MALRD1: variants seen among roughly 807,000 people sequenced by gnomAD.
The protein encoded by MALRD1 is MAM and LDL-receptor class A domain-containing protein 1.
A neutral mutation model predicts 242.1 loss-of-function variants in MALRD1; 247 were observed. The observed-to-expected ratio is 1.02, with a 90% CI of 0.92 to 1.13. MALRD1 has a LOEUF of 1.13. MALRD1 is among the 50% of genes most tolerant of loss of function. The probability of loss-of-function intolerance (pLI) is 0.00; values close to 1 mark genes in which losing one functional copy is unlikely to be tolerated. For synonymous variants in MALRD1, 995 were observed against 866.6 expected (o/e 1.15, Z -2.60); for missense variants, 2,989 against 2,533.1 (o/e 1.18, Z -3.86).
intron 36 of MALRD1, among the ~76,000 whole-genome samples, chr10:19,653,716 G>A (rs564593366): frequency 6.6e-6 from 1 of 152,136 alleles, no homozygotes; most frequent in Non-Finnish European, 1.5e-5. Context: ...AACTTCTTCT[G>A]TAAGCAGGTA....
chr10:19,370,855 G>A (rs1391989397), intron 26 of MALRD1, among the ~76,000 whole-genome samples: 1 of 152,020 alleles, frequency 6.6e-6, no homozygotes, highest in Non-Finnish European at 1.5e-5. Context: ...GGGATAACAG[G>A]CATGAGCCAC....
At chr10:19,593,279 A>T (rs1837914161) in intron 33 of MALRD1, among the ~76,000 whole-genome samples, 2 of 152,176 alleles carry the variant, frequency 1.3e-5, no homozygotes, top group Admixed American at 6.5e-5. Flanking sequence ...ACTTAAATAT[A>T]CTTATTTCTA....
chr10:19,235,727 C>T (rs1047656158), intron 18 of MALRD1, among the ~76,000 whole-genome samples: 17 of 151,784 alleles, frequency 1.1e-4, no homozygotes, highest in Non-Finnish European at 2.1e-4. Flanking sequence ...ATGAGATTTA[C>T]ATGTATGGAG....
chr10:19,072,100 G>A (rs1270737608), intron 2 of MALRD1, among the ~76,000 whole-genome samples: 2 of 152,110 alleles, frequency 1.3e-5, no homozygotes, highest in African/African-American at 4.8e-5. Context: ...TTATCTGCAC[G>A]TACACATTTC....
intron 36 of MALRD1, among the ~76,000 whole-genome samples, chr10:19,627,843 G>A (rs980279247): frequency 6.7e-6 from 1 of 148,570 alleles, no homozygotes; most frequent in Non-Finnish European, 1.5e-5. Context: ...ATACACAACA[G>A]CTAGGGATTA....
intron 18 of MALRD1, among the ~76,000 whole-genome samples, chr10:19,228,641 C>A (rs913931290): frequency 6.6e-6 from 1 of 151,968 alleles, no homozygotes; most frequent in Admixed American, 6.6e-5. Flanking sequence ...TGCTGAGTGC[C>A]AACTTGAGAA....
At chr10:19,274,187 C>T (rs1172656884) in intron 19 of MALRD1, among the ~76,000 whole-genome samples, 1 of 152,092 alleles carries the variant, frequency 6.6e-6, no homozygotes, top group East Asian at 1.9e-4. Context: ...GTGTCATTGC[C>T]ACATTATTCA....
At chr10:19,114,601 C>G (rs1564400673) in intron 5 of MALRD1, among the ~76,000 whole-genome samples, 2 of 151,406 alleles carry the variant, frequency 1.3e-5, no homozygotes, top group Non-Finnish European at 2.9e-5. Flanking sequence ...GCCTAGGTGA[C>G]AAAAAAAGAC....
At chr10:19,454,848 C>A (rs190677541) in intron 29 of MALRD1, among the ~76,000 whole-genome samples, 1 of 151,928 alleles carries the variant, frequency 6.6e-6, no homozygotes, top group South Asian at 2.1e-4. Flanking sequence ...TTCTTACTTT[C>A]TATGCAAAAA....
chr10:19,194,144 A>G (rs150118951), intron 14 of MALRD1, among the ~76,000 whole-genome samples: 4 of 152,310 alleles, frequency 2.6e-5, no homozygotes, highest in African/African-American at 9.6e-5. Flanking sequence ...TGTTATTAAC[A>G]TGAGCTGACT....
chr10:19,288,471 C>T (rs1841247619), intron 21 of MALRD1, among the ~76,000 whole-genome samples: 1 of 152,070 alleles, frequency 6.6e-6, no homozygotes, highest in Non-Finnish European at 1.5e-5. Context: ...AGTATTCATC[C>T]TTCTCTGGCT....
intron 21 of MALRD1, among the ~76,000 whole-genome samples, chr10:19,310,372 A>C (rs922523886): frequency 6.6e-6 from 1 of 151,522 alleles, no homozygotes; most frequent in Non-Finnish European, 1.5e-5. Flanking sequence ...AACTATATTT[A>C]AACGCTGAAT....
At chr10:19,686,000 C>T (rs1246476884) in intron 36 of MALRD1, among the ~76,000 whole-genome samples, 1 of 152,026 alleles carries the variant, frequency 6.6e-6, no homozygotes, top group African/African-American at 2.4e-5. Context: ...GTATCTGAGT[C>T]ATGCAGCACC....
intron 4 of MALRD1, among the ~76,000 whole-genome samples, chr10:19,100,434 G>A (rs1281178391): frequency 1.3e-5 from 2 of 152,158 alleles, no homozygotes; most frequent in East Asian, 3.9e-4. Context: ...TAATTTAAAA[G>A]CTGCTTCAGT....
intron 13 of MALRD1, among the ~76,000 whole-genome samples, chr10:19,174,619 TATATC>T (rs1346642195): frequency 6.6e-6 from 1 of 152,074 alleles, no homozygotes; most frequent in East Asian, 1.9e-4. Context: ...GAAAACAAAT[TATATC>T]AGTCATTATT....
At chr10:19,504,196 G>T (rs935082248) in intron 31 of MALRD1, among the ~76,000 whole-genome samples, 7 of 152,194 alleles carry the variant, frequency 4.6e-5, no homozygotes, top group African/African-American at 1.7e-4. Flanking sequence ...TATCAGAGAT[G>T]AGGAACACAG....
chr10:19,630,731 A>C (rs1354747398), intron 36 of MALRD1, among the ~76,000 whole-genome samples: 1 of 152,168 alleles, frequency 6.6e-6, no homozygotes, highest in African/African-American at 2.4e-5. Context: ...ATGTACATAA[A>C]AAGAATAAGT....
chr10:19,323,857 T>A (rs1227801946), intron 21 of MALRD1, 92 bp from the exon 22 acceptor site: 1 of 1,192,750 alleles, frequency 8.4e-7, no homozygotes, highest in Non-Finnish European at 1.2e-6. Flanking sequence ...GTGATCCACC[T>A]GCCTCAGCCT....
chr10:19,058,147 A>G (rs750058444), intron 1 of MALRD1, among the ~76,000 whole-genome samples: 3 of 152,172 alleles, frequency 2.0e-5, no homozygotes, highest in Non-Finnish European at 4.4e-5. Context: ...TTACGGTTTG[A>G]GGAAATGAGG....
Sources: gnomAD v4.1 joint callset for allele counts (sites outside exome capture counted in the v4.1 genomes callset) on GRCh38, gnomAD v4.1.1 for gene constraint, MANE v1.5 for transcripts, NCBI Gene and HGNC (gene_info 2026-07-23, HGNC 2026-07-21) for gene names.